The following BAHCC1 variants were observed in gnomAD, a reference collection of about 807,000 sequenced individuals.
BAHCC1 encodes BAH domain and coiled-coil containing 1, also known as BAH and coiled-coil domain-containing protein 1.
A neutral mutation model predicts 88.2 loss-of-function variants in BAHCC1; 43 were observed. The ratio of observed to expected loss-of-function variants is 0.49; its 90% CI spans 0.38 to 0.63. BAHCC1 has a LOEUF of 0.63. BAHCC1 is among the 20% of genes least tolerant of loss of function. The probability of loss-of-function intolerance (pLI) is 0.00; values close to 1 mark genes in which losing one functional copy is unlikely to be tolerated. For missense variants in BAHCC1, 3,023 were observed against 1,654.8 expected (o/e 1.83, Z -14.34); for synonymous variants, 1,510 against 745.5 (o/e 2.03, Z -16.71).
chr17:81,408,008 C>G (rs1012960886), intron 2 of BAHCC1, among the ~76,000 whole-genome samples: 4 of 152,192 alleles, frequency 2.6e-5, no homozygotes, highest in African/African-American at 7.2e-5. Context: ...TCCTGGCCAC[C>G]TGCAGGAGGG....
chr17:81,455,425 C>G, intron 15 of BAHCC1, 35 bp downstream of exon 15: 1 of 705,018 alleles, frequency 1.4e-6, no homozygotes, highest in East Asian at 2.7e-5. Flanking sequence ...CCCCAGGGCC[C>G]TTCAGGTCCC....
chr17:81,398,488 C>T (rs1035452825), intron 1 of BAHCC1, among the ~76,000 whole-genome samples: 1 of 144,988 alleles, frequency 6.9e-6, no homozygotes, highest in Non-Finnish European at 1.5e-5. Flanking sequence ...GTACCCAGGC[C>T]GCCCGGTACT....
chr17:81,431,993 G>A (rs985046710), intron 3 of BAHCC1, among the ~76,000 whole-genome samples: 9 of 152,206 alleles, frequency 5.9e-5, no homozygotes, highest in African/African-American at 2.2e-4. Flanking sequence ...CCCCTGCTAT[G>A]TGCAGGGCAG....
intron 14 of BAHCC1, among the ~76,000 whole-genome samples, chr17:81,453,895 G>C (rs1366460745): frequency 1.3e-5 from 2 of 152,250 alleles, no homozygotes; most frequent in Non-Finnish European, 2.9e-5. Context: ...GTCGGGGAGC[G>C]GGGGCCCAGG....
chr17:81,419,435 C>T (rs1308812347), intron 2 of BAHCC1, among the ~76,000 whole-genome samples: 1 of 152,274 alleles, frequency 6.6e-6, no homozygotes, highest in African/African-American at 2.4e-5. Context: ...GCTGCTCCTC[C>T]TTCCTGCCTC....
chr17:81,429,961 G>A (rs2064241621), intron 3 of BAHCC1, among the ~76,000 whole-genome samples: 1 of 152,184 alleles, frequency 6.6e-6, no homozygotes, highest in African/African-American at 2.4e-5. Context: ...CCCGGAGCTG[G>A]AGGAGCCGCC....
chr17:81,440,125 C>T (rs1464487673), intron 4 of BAHCC1, among the ~76,000 whole-genome samples: 3 of 152,224 alleles, frequency 2.0e-5, no homozygotes, highest in African/African-American at 7.2e-5. Context: ...TCACCCCACA[C>T]CCCAGCTCCT....
intron 14 of BAHCC1, 46 bp downstream of exon 14, chr17:81,452,897 G>T (rs1555656247): frequency 1.5e-6 from 1 of 678,012 alleles, no homozygotes. Flanking sequence ...GGCCGGCCCT[G>T]GGCCCTCGAG....
In BAHCC1 at chr17:81,461,728, T is replaced by C. The variant is rs1555659509; in HGVS notation, c.7065T>C (p.Ala2355=). 1 of 718,530 alleles carries C rather than the reference T, an allele frequency of 1.4e-6. No individual in the cohort carries two copies. The highest frequency in any genetic ancestry group is 2.0e-5 in the Admixed American group (1 of 50,080). The allele number at this position is 718,530 out of a possible 1,614,324, so 44.5% of individuals were successfully genotyped here. A position where few individuals can be genotyped will look rare whatever the true frequency, so the allele number is the denominator to read the frequency against. ...SSYSSDDEDP[A]LLLQTCLTHP... ...ACAGCTCAGACGACGAGGACCCGGC[T>C]CTGCTGCTGCAGACCTGCCTCACCC... Residue 2355 remains alanine, a synonymous_variant, in exon 26 of 28, where the codon GCT becomes GCC. Transcript: ENST00000675386.
chr17:81,452,306 A>G (rs1378547117), intron 13 of BAHCC1, among the ~76,000 whole-genome samples, 199 bp downstream of exon 13: 3 of 152,090 alleles, frequency 2.0e-5, no homozygotes, highest in Non-Finnish European at 1.5e-5. Context: ...CAGCAGCGAG[A>G]CCAAGTGGCA....
intron 2 of BAHCC1, among the ~76,000 whole-genome samples, chr17:81,425,196 TTGGTGATGA>T (rs1555650176): frequency 7.0e-5 from 5 of 71,446 alleles, no homozygotes; most frequent in African/African-American, 1.2e-4. Context: ...GGTGATGTGG[TTGGTGATGA>T]TGGTGGGTGA....
At chr17:81,395,670 T>C (rs1555644776) in intron 1 of BAHCC1, 35 bp downstream of exon 1, 1 of 149,192 alleles carries the variant, frequency 6.7e-6, no homozygotes, top group African/African-American at 2.5e-5. Context: ...TTTTTTTTTG[T>C]TTTTGTATTT....
chr17:81,423,186 C>T (rs1209342584), intron 2 of BAHCC1, among the ~76,000 whole-genome samples: 1 of 152,198 alleles, frequency 6.6e-6, no homozygotes, highest in Non-Finnish European at 1.5e-5. Flanking sequence ...CCACGTCCCC[C>T]ACCAGCACTC....
At chr17:81,430,015 C>T (rs1370802207) in intron 3 of BAHCC1, among the ~76,000 whole-genome samples, 1 of 152,206 alleles carries the variant, frequency 6.6e-6, no homozygotes, top group Non-Finnish European at 1.5e-5. Context: ...CAGCTCCTCC[C>T]GGCCCGCAGC....
At chr17:81,425,473 T>C (rs1175885343) in intron 2 of BAHCC1, among the ~76,000 whole-genome samples, 1 of 62,246 alleles carries the variant, frequency 1.6e-5, no homozygotes, top group Non-Finnish European at 3.1e-5. Flanking sequence ...GGTGATGTGG[T>C]TGGTGTGATG....
In BAHCC1 at chr17:81,402,650, CG is replaced by C. The variant is rs1399051246; in HGVS notation, c.178+2737del. 6 of 152,372 alleles carry C rather than the reference CG, an allele frequency of 3.9e-5. No homozygotes were observed. In the East Asian group the frequency reaches 9.6e-4, roughly 24 times the overall value. The allele number at this position is 152,372 out of a possible 1,614,324, so 9.4% of individuals were successfully genotyped here. On this transcript the variant is annotated intron_variant, in intron 2 of 27. Transcript: ENST00000675386. ...CTGTCTGGGAGTAGAATCCAACCAT[CG>C]GGGATGGAGGCCCTGGCCTCCATGA... is the stretch of plus-strand genomic sequence containing the variant.
intron 3 of BAHCC1, among the ~76,000 whole-genome samples, chr17:81,432,994 G>A (rs2143452196): frequency 6.8e-6 from 1 of 146,118 alleles, no homozygotes; most frequent in South Asian, 2.3e-4. Context: ...CGTTCATTCT[G>A]GAGGCTCCCA....
In BAHCC1 at chr17:81,463,753, C is replaced by T. The variant is rs1555660110; in HGVS notation, c.7763C>T (p.Ala2588Val). The T allele has an allele frequency of 7.7e-6, 6 of 775,342 alleles. No homozygotes were observed. The highest frequency in any genetic ancestry group is 2.4e-5 in the East Asian group (1 of 41,032). 48.0% of individuals were successfully genotyped at this position (775,342 alleles called of 1,614,324 possible). Residue 2588 changes from alanine (A) to valine (V), a missense_variant, in exon 28 of 28, where the codon GCG (alanine) becomes GTG (valine). Coordinates refer to ENST00000675386, the MANE Select transcript of BAHCC1 (RefSeq NM_001377448.1). ...CQDRQDLYYL[A>V]GTYDPTTGRL... ...GACCGGCAGGACCTCTACTACCTGGCGGGCACCTACGACCCCACCACCGGG... is the reference window on the plus strand; with the variant it reads ...GACCGGCAGGACCTCTACTACCTGGTGGGCACCTACGACCCCACCACCGGG...
At chr17:81,440,842 C>T (rs1170641668) in intron 4 of BAHCC1, among the ~76,000 whole-genome samples, 1 of 152,178 alleles carries the variant, frequency 6.6e-6, no homozygotes, top group African/African-American at 2.4e-5. Context: ...ATTACCCTAG[C>T]CCCAGCAGCC....
Sources: allele counts gnomAD v4.1 joint callset (sites outside exome capture counted in the v4.1 genomes callset), GRCh38; gene constraint gnomAD v4.1.1; transcripts MANE v1.5; gene names NCBI Gene and HGNC (gene_info 2026-07-23, HGNC 2026-07-21).